NFKBID: variants seen among roughly 807,000 people sequenced by gnomAD.
The protein encoded by NFKBID is NFKB inhibitor delta, also known as NF-kappa-B inhibitor delta.
Under a neutral mutation model 53.4 loss-of-function variants are expected in NFKBID, and 26 were observed. The observed-to-expected ratio is 0.49, with a 90% CI of 0.36 to 0.68. NFKBID has a LOEUF of 0.68. Ranked by LOEUF, NFKBID falls within the 30% of genes least tolerant of loss-of-function variation. The pLI is 0.00. For missense variants in NFKBID, 493 were observed against 614.1 expected (o/e 0.80, Z 2.08); for synonymous variants, 262 against 259.8 (o/e 1.01, Z -0.08).
At chr19:35,893,144 G>C (rs1278636946) in intron 9 of NFKBID, among the ~76,000 whole-genome samples, 1 of 152,204 alleles carries the variant, frequency 6.6e-6, no homozygotes, top group Non-Finnish European at 1.5e-5. Context: ...ACTCCAGCCT[G>C]GGTGACAAAG....
intron 11 of NFKBID, among the ~76,000 whole-genome samples, chr19:35,889,342 C>T (rs946059829): frequency 6.6e-6 from 1 of 152,036 alleles, no homozygotes; most frequent in South Asian, 2.1e-4. Context: ...GGCAACAGAG[C>T]AAGACGCTGC....
intron 2 of NFKBID, 77 bp from the exon 3 acceptor site, chr19:35,898,609 G>C: frequency 2.1e-6 from 3 of 1,420,256 alleles, no homozygotes; most frequent in East Asian, 5.0e-5. Context: ...GGATCTATAA[G>C]ACATTTCGGT....
intron 9 of NFKBID, chr19:35,890,845 CAG>C: frequency 2.9e-6 from 1 of 344,266 alleles, no homozygotes; most frequent in South Asian, 2.3e-5. Flanking sequence ...GCATGGGTGA[CAG>C]AGTGACACTC....
intron 9 of NFKBID, among the ~76,000 whole-genome samples, chr19:35,895,696 C>T (rs1975090935): frequency 6.6e-6 from 1 of 152,026 alleles, no homozygotes; most frequent in Non-Finnish European, 1.5e-5. Flanking sequence ...CCCAGCTACT[C>T]AGGAGGCTGA....
At chr19:35,888,692 G>T in intron 11 of NFKBID, 80 bp from the exon 12 acceptor site, 2 of 1,056,654 alleles carry the variant, frequency 1.9e-6, no homozygotes, top group Non-Finnish European at 2.9e-6. Flanking sequence ...CAGAGGGAGG[G>T]GCTAGAGAAG....
At chr19:35,897,170 C>A (rs1335622333) in intron 4 of NFKBID, 112 bp from the exon 5 acceptor site, 4 of 1,141,224 alleles carry the variant, frequency 3.5e-6, no homozygotes, top group Non-Finnish European at 4.9e-6. Context: ...CCACCACACA[C>A]ACATCTGCAT....
chr19:35,888,723 T>C, intron 11 of NFKBID, 111 bp from the exon 12 acceptor site: 1 of 791,232 alleles, frequency 1.3e-6, no homozygotes, highest in Non-Finnish European at 2.1e-6. Context: ...TGGGTCCCTT[T>C]GGATTTGAAG....
At chr19:35,900,315 C>A in intron 1 of NFKBID, 127 bp downstream of exon 1, 2 of 725,956 alleles carry the variant, frequency 2.8e-6, no homozygotes, top group Non-Finnish European at 3.8e-6. Flanking sequence ...CTCCAAACAC[C>A]TAGGGCCCTC....
chr19:35,888,953 G>C (rs1740764102), intron 11 of NFKBID, among the ~76,000 whole-genome samples: 1 of 151,980 alleles, frequency 6.6e-6, no homozygotes, highest in Admixed American at 6.6e-5. Context: ...GCTGAGGTGG[G>C]AGAATCACTT....
exon 1 of NFKBID, chr19:35,900,456 G>A: frequency 8.1e-7 from 1 of 1,231,948 alleles, no homozygotes; most frequent in Non-Finnish European, 1.0e-6. Flanking sequence ...GGGATTCCGT[G>A]GCGTGGATTG....
chr19:35,902,071 C>G, upstream of NFKBID: 1 of 672,212 alleles, frequency 1.5e-6, no homozygotes, highest in South Asian at 1.6e-5. Flanking sequence ...TCCAGACCAG[C>G]CTTATCCCCT....
chr19:35,899,776 T>C (rs7258154), intron 1 of NFKBID: 9,387 of 151,174 alleles, frequency 0.062, 658 homozygotes, highest in African/African-American at 0.17. Context: ...CGGGAGGAGG[T>C]GGCTCGGAAA....
chr19:35,900,018 G>A (rs1975460776), intron 1 of NFKBID, among the ~76,000 whole-genome samples: 1 of 145,230 alleles, frequency 6.9e-6, no homozygotes, highest in African/African-American at 2.6e-5. Flanking sequence ...CGTAGACCCT[G>A]AGGCCAGGCT....
chr19:35,890,258 C>A, intron 10 of NFKBID, 116 bp downstream of exon 10: 1 of 860,156 alleles, frequency 1.2e-6, no homozygotes, highest in Admixed American at 2.2e-5. Context: ...CTATACTTTC[C>A]CCTGCAGATC....
In NFKBID at chr19:35,889,876, C is replaced by T. The variant is rs752538107; in HGVS notation, c.1314+14G>A. On this transcript the variant is annotated intron_variant, in intron 11 of 11. Transcript: ENST00000641389. ...TCAGAGGCCACTCTACAGGCAGGCTCAGTGCTTACTTACCCCCTCAGGGCC... is the reference window on the plus strand; with the variant it reads ...TCAGAGGCCACTCTACAGGCAGGCTTAGTGCTTACTTACCCCCTCAGGGCC... 3 of 1,597,530 alleles carry T rather than the reference C, an allele frequency of 1.9e-6. No individual in the cohort carries two copies. The highest frequency in any genetic ancestry group is 1.7e-5 in the Admixed American group (1 of 59,122).
At chr19:35,899,485 C>A (rs962956507) in intron 1 of NFKBID, among the ~76,000 whole-genome samples, 1 of 132,394 alleles carries the variant, frequency 7.6e-6, no homozygotes, top group African/African-American at 2.8e-5. Flanking sequence ...ACCCGGGAGG[C>A]GGAGGTTGAG....
upstream of NFKBID, chr19:35,901,892 G>C (rs73928357): frequency 9.8e-3 from 4,351 of 442,826 alleles, 172 homozygotes; most frequent in African/African-American, 0.078. Flanking sequence ...ATGCTCTCAG[G>C]GGTCCCCTCC....
At chr19:35,895,281 G>C (rs1039477041) in intron 9 of NFKBID, among the ~76,000 whole-genome samples, 4 of 144,980 alleles carry the variant, frequency 2.8e-5, no homozygotes, top group Non-Finnish European at 4.5e-5. Flanking sequence ...TTTGAGACCA[G>C]CCTGGCCAAC....
chr19:35,900,793 A>ATT (rs1322875814), upstream of NFKBID: 1 of 259,566 alleles, frequency 3.9e-6, no homozygotes, highest in Non-Finnish European at 6.9e-6. Flanking sequence ...GGGGGCCTGG[A>ATT]TTTCTTTTCT....
Sources: allele counts gnomAD v4.1 joint callset (sites outside exome capture counted in the v4.1 genomes callset), GRCh38; gene constraint gnomAD v4.1.1; transcripts MANE v1.5; gene names NCBI Gene and HGNC (gene_info 2026-07-23, HGNC 2026-07-21).